The following TRPC7 variants were observed in gnomAD, a reference collection of about 807,000 sequenced individuals.
TRPC7 encodes the protein transient receptor potential cation channel subfamily C member 7.
Under a neutral mutation model 90.1 loss-of-function variants are expected in TRPC7, and 42 were observed. The ratio of observed to expected loss-of-function variants is 0.47; its 90% CI spans 0.36 to 0.60. The LOEUF (loss-of-function observed/expected upper bound fraction) is 0.60. Ranked by LOEUF, TRPC7 falls within the 20% of genes least tolerant of loss-of-function variation. The pLI, the probability that TRPC7 is intolerant of heterozygous loss-of-function variation, is 0.00. For synonymous variants in TRPC7, 451 were observed against 436.3 expected (o/e 1.03, Z -0.42); for missense variants, 955 against 1,112.3 (o/e 0.86, Z 2.01).
At chr5:136,344,577 A>G (rs1053762042) in intron 2 of TRPC7, among the ~76,000 whole-genome samples, 1 of 152,164 alleles carries the variant, frequency 6.6e-6, no homozygotes, top group African/African-American at 2.4e-5. Flanking sequence ...ATGACTTTAC[A>G]TTTCTCATAC....
chr5:136,354,232 A>T (rs1303982614), intron 2 of TRPC7, among the ~76,000 whole-genome samples: 1 of 152,190 alleles, frequency 6.6e-6, no homozygotes, highest in Non-Finnish European at 1.5e-5. Flanking sequence ...CTTGACCTTA[A>T]TGTTGGTAGG....
intron 2 of TRPC7, among the ~76,000 whole-genome samples, chr5:136,322,327 A>G (rs1759224647): frequency 6.6e-6 from 1 of 152,148 alleles, no homozygotes; most frequent in African/African-American, 2.4e-5. Flanking sequence ...ATTCCTGTAC[A>G]AGTTTATTGT....
chr5:136,243,898 C>G (rs1024661312), intron 7 of TRPC7, among the ~76,000 whole-genome samples: 2 of 152,110 alleles, frequency 1.3e-5, no homozygotes, highest in Non-Finnish European at 2.9e-5. Context: ...CTTGCCGCCT[C>G]CCCACCCTTT....
intron 3 of TRPC7, among the ~76,000 whole-genome samples, chr5:136,279,380 C>G (rs1757472670): frequency 1.3e-5 from 2 of 152,198 alleles, no homozygotes; most frequent in African/African-American, 4.8e-5. Context: ...ACAAAGGGTG[C>G]TGGACTTCTT....
At chr5:136,313,697 G>A (rs372078148) in intron 3 of TRPC7, among the ~76,000 whole-genome samples, 1 of 152,160 alleles carries the variant, frequency 6.6e-6, no homozygotes, top group Non-Finnish European at 1.5e-5. Context: ...TCTTAGAAAT[G>A]AGCAGGTTGA....
intron 2 of TRPC7, among the ~76,000 whole-genome samples, chr5:136,319,729 G>T (rs35341142): frequency 0.33 from 49,802 of 151,548 alleles, 9,090 homozygotes; most frequent in Admixed American, 0.46. Context: ...CCTACCAAGT[G>T]CTTTAACATG....
intron 3 of TRPC7, among the ~76,000 whole-genome samples, chr5:136,277,437 T>C (rs961156961): frequency 6.6e-6 from 1 of 152,246 alleles, no homozygotes; most frequent in African/African-American, 2.4e-5. Flanking sequence ...GGTGTTTACC[T>C]CTATCTGGGA....
intron 2 of TRPC7, among the ~76,000 whole-genome samples, chr5:136,351,392 T>C (rs1407908923): frequency 6.6e-6 from 1 of 152,276 alleles, no homozygotes; most frequent in Non-Finnish European, 1.5e-5. Context: ...GGCATTTGTT[T>C]ATACTACCAG....
chr5:136,306,726 A>G (rs1206722601), intron 3 of TRPC7, among the ~76,000 whole-genome samples: 2 of 152,120 alleles, frequency 1.3e-5, no homozygotes, highest in Admixed American at 6.6e-5. Flanking sequence ...TAACTGATCA[A>G]TGTACTTTGT....
chr5:136,244,976 A>G (rs1031783113), intron 7 of TRPC7, among the ~76,000 whole-genome samples: 2 of 152,190 alleles, frequency 1.3e-5, no homozygotes, highest in African/African-American at 2.4e-5. Flanking sequence ...CATCTCCATT[A>G]TCATCATTAC....
chr5:136,340,161 T>A (rs952293160), intron 2 of TRPC7, among the ~76,000 whole-genome samples: 10 of 152,216 alleles, frequency 6.6e-5, no homozygotes, highest in Admixed American at 3.3e-4. Flanking sequence ...AAGTTCTTGT[T>A]ATTTGCCACA....
chr5:136,307,331 C>T (rs911042741), intron 3 of TRPC7, among the ~76,000 whole-genome samples: 1 of 152,164 alleles, frequency 6.6e-6, no homozygotes, highest in Non-Finnish European at 1.5e-5. Flanking sequence ...TGTGATTCTA[C>T]TCTCTACTTC....
chr5:136,215,544 C>T (rs781525071), intron 11 of TRPC7, among the ~76,000 whole-genome samples: 2 of 152,054 alleles, frequency 1.3e-5, no homozygotes, highest in East Asian at 1.9e-4. Flanking sequence ...GAGGAGGGGC[C>T]GGGCGCAGTG....
At chr5:136,360,284 T>TACAAA (rs138394162) in intron 1 of TRPC7, among the ~76,000 whole-genome samples, 8,930 of 151,558 alleles carry the variant, frequency 0.059, 320 homozygotes, top group African/African-American at 0.097. Context: ...TTCCACTCAT[T>TACAAA]ACAAAACAAA....
chr5:136,290,108 A>G (rs919666720), intron 3 of TRPC7, among the ~76,000 whole-genome samples: 3 of 152,212 alleles, frequency 2.0e-5, no homozygotes, highest in Non-Finnish European at 2.9e-5. Context: ...AAACTAACAA[A>G]CAGAAAGGAC....
intron 11 of TRPC7, chr5:136,214,376 C>T (rs112869612): frequency 2.0e-5 from 3 of 152,296 alleles, no homozygotes; most frequent in African/African-American, 7.2e-5. Flanking sequence ...GCACTTGGCT[C>T]GTGTGGGAGT....
chr5:136,361,125 T>C (rs1760555038), intron 1 of TRPC7, among the ~76,000 whole-genome samples: 1 of 152,198 alleles, frequency 6.6e-6, no homozygotes, highest in African/African-American at 2.4e-5. Context: ...CTGGAGATCT[T>C]ATCACAGTTT....
At chr5:136,289,581 A>C (rs900758980) in intron 3 of TRPC7, among the ~76,000 whole-genome samples, 3 of 152,212 alleles carry the variant, frequency 2.0e-5, no homozygotes, top group South Asian at 2.1e-4. Context: ...TGCAAGGTGG[A>C]AGTGAGGCTG....
intron 10 of TRPC7, among the ~76,000 whole-genome samples, chr5:136,221,809 G>A (rs563224836): frequency 7.9e-5 from 12 of 152,324 alleles, no homozygotes; most frequent in African/African-American, 2.2e-4. Flanking sequence ...AACTCCCCAC[G>A]GGGTTTTGGG....
Sources: allele counts gnomAD v4.1 joint callset (sites outside exome capture counted in the v4.1 genomes callset), GRCh38; gene constraint gnomAD v4.1.1; transcripts MANE v1.5; gene names NCBI Gene and HGNC (gene_info 2026-07-23, HGNC 2026-07-21).